The following RIMS2 variants were observed in gnomAD, a reference collection of about 807,000 sequenced individuals.
The protein encoded by RIMS2 is regulating synaptic membrane exocytosis protein 2.
In RIMS2, 59 loss-of-function variants were observed where a neutral mutation model predicts 174.4. That is an observed-to-expected ratio of 0.34 (90% CI 0.27 to 0.42). The LOEUF (loss-of-function observed/expected upper bound fraction) is 0.42, where lower values mean the gene tolerates loss of function less well. RIMS2 is among the 10% of genes least tolerant of loss of function. The pLI, the probability that RIMS2 is intolerant of heterozygous loss-of-function variation, is 1.00. For synonymous variants in RIMS2, 606 were observed against 572.5 expected, an observed-to-expected ratio of 1.06 and a Z score of -0.84; for missense variants, 1,620 against 1,666.3, an observed-to-expected ratio of 0.97 and a Z score of 0.48.
In RIMS2 at chr8:103,934,473, A is replaced by C. The variant is rs142877248; in HGVS notation, c.2376-2078A>C. Among the ~76,000 whole-genome samples, 512 of 152,184 alleles carry C rather than the reference A, an allele frequency of 3.4e-3. 2 individuals are homozygous for C. Among genetic ancestry groups the C allele is most frequent in the African/African-American group, 0.011 (476 of 41,542 alleles). ...CTTGCTGAAGATAAGGTTATTTTTC[A>C]TAGTTCTTTTTGTGAATTGGTGCTT... On this transcript the variant is annotated intron_variant, in intron 12 of 23. Coordinates refer to ENST00000504942, the Ensembl canonical transcript of RIMS2.
chr8:103,538,167 C>G (rs1474618397), intron 1 of RIMS2, among the ~76,000 whole-genome samples: 1 of 151,926 alleles, frequency 6.6e-6, no homozygotes, highest in Non-Finnish European at 1.5e-5. Context: ...TGATAGAAAC[C>G]AACAAAGACC....
In RIMS2 at chr8:103,503,418, A is replaced by G. The variant is rs549314515; in HGVS notation, c.176+2356A>G. ...GTTTACTAAATAATACATTATCAAT[A>G]TTGGGTATTAAATTACAAATACATA... On this transcript the variant is annotated intron_variant, in intron 1 of 23. Transcript: ENST00000504942. Among the ~76,000 whole-genome samples the G allele has an allele frequency of 8.5e-5, 13 of 152,100 alleles. No homozygotes were observed. The South Asian group carries it at 2.7e-3, about 32-fold the overall frequency.
At chr8:103,952,271 C>A (rs570952553) in intron 14 of RIMS2, among the ~76,000 whole-genome samples, 33 of 152,356 alleles carry the variant, frequency 2.2e-4, no homozygotes, top group African/African-American at 7.5e-4. Flanking sequence ...AAGGGACAGA[C>A]TGCCTCCTCA....
intron 19 of RIMS2, among the ~76,000 whole-genome samples, chr8:104,177,064 TTATAAC>T (rs1416226579): frequency 6.6e-6 from 1 of 152,164 alleles, no homozygotes; most frequent in African/African-American, 2.4e-5. Flanking sequence ...TTTCATATGT[TTATAAC>T]TAACTATAAT....
intron 1 of RIMS2, among the ~76,000 whole-genome samples, chr8:103,641,716 T>C (rs1379216387): frequency 6.6e-6 from 1 of 151,998 alleles, no homozygotes; most frequent in Non-Finnish European, 1.5e-5. Flanking sequence ...TCTTGTTCGT[T>C]CTCATGAGTG....
At chr8:103,561,594 T>A (rs1320977593) in intron 1 of RIMS2, among the ~76,000 whole-genome samples, 5 of 152,222 alleles carry the variant, frequency 3.3e-5, no homozygotes, top group Non-Finnish European at 7.3e-5. Context: ...TTTTCTTATA[T>A]CAGCAACATC....
rs151278297 is a variant in RIMS2 at position 103,753,288 on chromosome 8, C to G, written c.388-12939C>G. ...CCTCGCATCCCAGGGATGAAGTCCA[C>G]TTGATCATGGTGGATAAGCTTTTTG... On this transcript the variant is annotated intron_variant, in intron 2 of 23. Coordinates refer to ENST00000504942, the Ensembl canonical transcript of RIMS2. 6.2e-3 allele frequency among the ~76,000 whole-genome samples: 939 copies of G among 152,282 alleles called. 12 individuals are homozygous for G. The highest frequency in any genetic ancestry group is 0.021 in the African/African-American group (890 of 41,548).
intron 1 of RIMS2, among the ~76,000 whole-genome samples, chr8:103,620,462 G>T (rs2095609018): frequency 6.6e-6 from 1 of 151,770 alleles, no homozygotes; most frequent in Non-Finnish European, 1.5e-5. Context: ...AAATTTCTAT[G>T]ACTACTTACT....
intron 1 of RIMS2, among the ~76,000 whole-genome samples, chr8:103,510,185 A>C (rs1825785206): frequency 6.6e-6 from 1 of 152,198 alleles, no homozygotes; most frequent in Admixed American, 6.5e-5. Flanking sequence ...AAAAGGATAC[A>C]CTAAACAATA....
At chr8:104,050,043 A>C (rs1190451797) in intron 19 of RIMS2, among the ~76,000 whole-genome samples, 1 of 152,152 alleles carries the variant, frequency 6.6e-6, no homozygotes, top group Admixed American at 6.5e-5. Context: ...AGACTATTAA[A>C]ATCTCCTTAT....
At chr8:104,105,511 A>T (rs1353980853) in intron 19 of RIMS2, among the ~76,000 whole-genome samples, 1 of 152,122 alleles carries the variant, frequency 6.6e-6, no homozygotes, top group African/African-American at 2.4e-5. Context: ...AACTGATATT[A>T]TTTCTAATTC....
chr8:103,638,819 C>T (rs2096154212), intron 1 of RIMS2, among the ~76,000 whole-genome samples: 1 of 152,008 alleles, frequency 6.6e-6, no homozygotes, highest in Admixed American at 6.5e-5. Flanking sequence ...TTTCTAGGCT[C>T]TCTCAGCAAA....
intron 4 of RIMS2, among the ~76,000 whole-genome samples, chr8:103,908,438 T>C (rs2074975875): frequency 6.6e-6 from 1 of 152,214 alleles, no homozygotes; most frequent in Admixed American, 6.5e-5. Flanking sequence ...TTTAATACAT[T>C]CTCAGATGTA....
chr8:103,536,727 T>C (rs1461799149), intron 1 of RIMS2, among the ~76,000 whole-genome samples: 2 of 152,130 alleles, frequency 1.3e-5, no homozygotes, highest in African/African-American at 2.4e-5. Flanking sequence ...CACCAGGAAG[T>C]GGTGCTAAAC....
In RIMS2 at chr8:103,716,598, A is replaced by T. The variant is rs138917904; in HGVS notation, c.387+19302A>T. Reference sequence around the variant, plus strand: ...TTAGAATTTAGCATTTTTTTCAAGGAAACCTCATAGTATTCCTCATTGTGA... The same window carrying T: ...TTAGAATTTAGCATTTTTTTCAAGGTAACCTCATAGTATTCCTCATTGTGA... On this transcript the variant is annotated intron_variant, in intron 2 of 23. Coordinates refer to ENST00000504942, the Ensembl canonical transcript of RIMS2. Among the ~76,000 whole-genome samples the T allele has an allele frequency of 6.2e-3, 938 of 152,090 alleles. 12 individuals carry two copies. Among genetic ancestry groups the T allele is most frequent in the African/African-American group, 0.021 (888 of 41,538 alleles).
intron 1 of RIMS2, among the ~76,000 whole-genome samples, chr8:103,662,718 CT>C (rs2096618609): frequency 7.1e-6 from 1 of 141,610 alleles, no homozygotes; most frequent in African/African-American, 2.6e-5. Context: ...ATCTATCTAT[CT>C]ATAGTCTTAT....
intron 19 of RIMS2, among the ~76,000 whole-genome samples, chr8:104,240,324 C>T (rs183218394): frequency 1.3e-5 from 2 of 152,166 alleles, no homozygotes; most frequent in East Asian, 1.9e-4. Context: ...TTCACTGTTA[C>T]GTAGATTCAG....
At chr8:103,893,389 C>T (rs1489040177) in intron 4 of RIMS2, among the ~76,000 whole-genome samples, 1 of 152,048 alleles carries the variant, frequency 6.6e-6, no homozygotes. Flanking sequence ...ATTTTAGAGT[C>T]AGTTTAGCAG....
intron 1 of RIMS2, among the ~76,000 whole-genome samples, chr8:103,642,473 GT>G (rs2096250351): frequency 6.6e-6 from 1 of 151,908 alleles, no homozygotes; most frequent in Non-Finnish European, 1.5e-5. Context: ...AAAATAAAAG[GT>G]TTTATTTTAT....
Sources: gnomAD v4.1 joint callset for allele counts (sites outside exome capture counted in the v4.1 genomes callset) on GRCh38, gnomAD v4.1.1 for gene constraint, MANE v1.5 for transcripts, NCBI Gene and HGNC (gene_info 2026-07-23, HGNC 2026-07-21) for gene names.